Variants in FKBP5 observed in about 807,000 individuals in gnomAD.
FKBP5 encodes the protein peptidyl-prolyl cis-trans isomerase FKBP5.
A neutral mutation model predicts 50.5 loss-of-function variants in FKBP5; 23 were observed. The observed-to-expected ratio is 0.46, with a 90% CI of 0.33 to 0.65. The LOEUF (loss-of-function observed/expected upper bound fraction) is 0.65, where lower values mean the gene tolerates loss of function less well. Among genes scored for constraint, FKBP5 ranks in the 30% least tolerant of loss-of-function variants. The probability of loss-of-function intolerance (pLI) is 0.02; values close to 1 mark genes in which losing one functional copy is unlikely to be tolerated. For missense variants in FKBP5, 411 were observed against 553.1 expected (o/e 0.74, Z 2.58); for synonymous variants, 176 against 190.6 (o/e 0.92, Z 0.63).
At chr6:35,609,168 T>C (rs1287062098) in intron 5 of FKBP5, among the ~76,000 whole-genome samples, 4 of 152,162 alleles carry the variant, frequency 2.6e-5, no homozygotes, top group Middle Eastern at 3.4e-3. Context: ...GTATCCAATA[T>C]GGAAATTATT....
Position 35,705,213 on chromosome 6 carries a change from AATATATATATATATAT to A in FKBP5, c.-20+15099_-20+15114del, listed in dbSNP as rs869253345. Among the ~76,000 whole-genome samples the A allele has an allele frequency of 8.5e-3, 609 of 71,238 alleles. 6 individuals are homozygous for A. The highest frequency in any genetic ancestry group is 0.029 in the South Asian group (53 of 1,856). The allele number at this position is 71,238 out of a possible 152,430, so 46.7% of individuals were successfully genotyped here. Reference sequence around the variant, plus strand: ...AAATGCAAATATATATATATGTACAAATATATATATATATATATATATATATATATATATATATATA... The same window carrying A: ...AAATGCAAATATATATATATGTACAAATATATATATATATATATATATATA... On this transcript the variant is annotated intron_variant, in intron 2 of 11. Coordinates refer to the FKBP5 transcript ENST00000536438.
At chr6:35,622,418 G>A (rs1763872534) in intron 3 of FKBP5, among the ~76,000 whole-genome samples, 1 of 151,948 alleles carries the variant, frequency 6.6e-6, no homozygotes, top group Non-Finnish European at 1.5e-5. Flanking sequence ...GGTTAAGACA[G>A]GAGAAGAGCT....
chr6:35,685,982 C>CAAAAA (rs60786619), intron 1 of FKBP5, among the ~76,000 whole-genome samples: 6 of 46,194 alleles, frequency 1.3e-4, no homozygotes, highest in Non-Finnish European at 2.1e-4. Flanking sequence ...AACGCCATCT[C>CAAAAA]AAAAAAAAAA....
intron 2 of FKBP5, among the ~76,000 whole-genome samples, chr6:35,702,456 A>ATT (rs879943159): frequency 7.0e-6 from 1 of 142,184 alleles, no homozygotes; most frequent in African/African-American, 2.6e-5. Flanking sequence ...ATAAACTTTG[A>ATT]TTTTTTTTTT....
intron 2 of FKBP5, among the ~76,000 whole-genome samples, chr6:35,695,769 G>T (rs1766070377): frequency 6.6e-6 from 1 of 152,264 alleles, no homozygotes; most frequent in Admixed American, 6.5e-5. Flanking sequence ...GCATCAAAAA[G>T]AAGAAAATAC....
rs764261298 is a variant in FKBP5 at position 35,619,178 on chromosome 6, T to G, written c.426A>C (p.Leu142Phe). The G allele has an allele frequency of 8.1e-6, 13 of 1,613,562 alleles. No homozygotes were observed. Among genetic ancestry groups the G allele is most frequent in the Non-Finnish European group, 1.0e-5 (12 of 1,179,686 alleles). The change falls in exon 5 of 11, where the codon TTA (leucine) becomes TTC (phenylalanine). Residue 142 changes from leucine to phenylalanine, a missense_variant. By Grantham distance (22) the Leu-to-Phe change is conservative (BLOSUM62 0). Transcript: ENST00000357266. The stretch of plus-strand genomic sequence containing the variant: ...TCCGGATAATGCCTCCATCTTCAAA[T>G]AAATCCTCTCCTTTGAAATCAAGGA... ...IELLDFKGED[L>F]FEDGGIIRRT...
intron 5 of FKBP5, among the ~76,000 whole-genome samples, chr6:35,615,219 C>T (rs1047641910): frequency 2.6e-5 from 4 of 151,208 alleles, no homozygotes; most frequent in African/African-American, 9.7e-5. Context: ...TAGATGTATA[C>T]GTATGTATGT....
At chr6:35,636,938 T>C (rs1314862237) in intron 3 of FKBP5, 76 bp downstream of exon 3, 2 of 1,353,418 alleles carry the variant, frequency 1.5e-6, no homozygotes, top group Non-Finnish European at 9.8e-7. Context: ...TTAGAAAGGA[T>C]AGAATCCTCT....
intron 1 of FKBP5, among the ~76,000 whole-genome samples, chr6:35,681,653 G>C (rs1161402831): frequency 6.6e-6 from 1 of 152,050 alleles, no homozygotes; most frequent in Non-Finnish European, 1.5e-5. Flanking sequence ...CAGTCTTTTT[G>C]TGGGCATATA....
At chr6:35,607,000 G>A (rs1346717014) in intron 5 of FKBP5, among the ~76,000 whole-genome samples, 1 of 152,148 alleles carries the variant, frequency 6.6e-6, no homozygotes, top group Non-Finnish European at 1.5e-5. Context: ...GACTGCAGTG[G>A]CAGAATCTCA....
At chr6:35,633,656 G>T (rs1256290849) in intron 3 of FKBP5, among the ~76,000 whole-genome samples, 3 of 151,996 alleles carry the variant, frequency 2.0e-5, no homozygotes, top group African/African-American at 7.3e-5. Context: ...TTTACCAGAG[G>T]TATATTGCTC....
rs1356491930 is a variant in FKBP5, at chr6:35,660,625, T to A, written c.-19-17782A>T. Among the ~76,000 whole-genome samples the A allele has an allele frequency of 3.6e-5, 3 of 83,634 alleles. 1 individual carries two copies. Among genetic ancestry groups the A allele is most frequent in the Admixed American group, 1.3e-4 (1 of 7,892 alleles). 54.9% of individuals were successfully genotyped at this position (83,634 alleles called of 152,430 possible). A position where few individuals can be genotyped will look rare whatever the true frequency, so the allele number is the denominator to read the frequency against. On this transcript the variant is annotated intron_variant, in intron 1 of 10. Coordinates refer to ENST00000357266, the MANE Select transcript of FKBP5 (RefSeq NM_004117.4). ...ATCTATCTTATTAAATGTCCTGTGC[T>A]GTGTGCAACTGAAAAGAATGTGTAT...
chr6:35,689,099 G>A (rs961890046), upstream of FKBP5, among the ~76,000 whole-genome samples: 1 of 152,030 alleles, frequency 6.6e-6, no homozygotes, highest in Non-Finnish European at 1.5e-5. Flanking sequence ...ATGAGGCCCC[G>A]CCCCCATCAT....
intron 3 of FKBP5, among the ~76,000 whole-genome samples, chr6:35,623,625 A>C (rs1300939301): frequency 6.6e-6 from 1 of 151,886 alleles, no homozygotes; most frequent in East Asian, 1.9e-4. Flanking sequence ...ACTGGAGTGC[A>C]ATGATGTGAG....
intron 2 of FKBP5, among the ~76,000 whole-genome samples, chr6:35,702,465 T>C (rs1372250727): frequency 6.6e-6 from 1 of 151,794 alleles, no homozygotes; most frequent in African/African-American, 2.4e-5. Flanking sequence ...GATTTTTTTT[T>C]TTTTTGAGAC....
chr6:35,576,153 T>C (rs910405042), intron 10 of FKBP5, among the ~76,000 whole-genome samples: 2 of 152,032 alleles, frequency 1.3e-5, no homozygotes, highest in African/African-American at 4.8e-5. Context: ...TGTGGGATAA[T>C]GAAGTCTGGG....
chr6:35,620,929 C>A (rs1276251414), intron 3 of FKBP5, among the ~76,000 whole-genome samples: 1 of 151,750 alleles, frequency 6.6e-6, no homozygotes, highest in Non-Finnish European at 1.5e-5. Flanking sequence ...AGAGATAGAA[C>A]AAAAATAGTA....
intron 1 of FKBP5, among the ~76,000 whole-genome samples, chr6:35,643,349 CT>C (rs1033994192): frequency 2.6e-5 from 4 of 152,192 alleles, no homozygotes; most frequent in African/African-American, 9.7e-5. Context: ...CATTTTTCAT[CT>C]GCAAAATGGA....
chr6:35,675,592 C>G (rs890257312), intron 1 of FKBP5, among the ~76,000 whole-genome samples: 4 of 152,134 alleles, frequency 2.6e-5, no homozygotes, highest in Non-Finnish European at 5.9e-5. Flanking sequence ...CTATACCATA[C>G]TCTTAATCCC....
Sources: gnomAD v4.1 joint callset for allele counts (sites outside exome capture counted in the v4.1 genomes callset) on GRCh38, gnomAD v4.1.1 for gene constraint, MANE v1.5 for transcripts, NCBI Gene and HGNC (gene_info 2026-07-23, HGNC 2026-07-21) for gene names.